The following RAB3GAP1 variants were observed in gnomAD, a reference collection of about 807,000 sequenced individuals.
The protein encoded by RAB3GAP1 is rab3 GTPase-activating protein catalytic subunit.
Under a neutral mutation model 130.7 loss-of-function variants are expected in RAB3GAP1, and 86 were observed. The observed-to-expected ratio is 0.66, with a 90% CI of 0.55 to 0.79. The LOEUF (loss-of-function observed/expected upper bound fraction) is 0.79, where lower values mean the gene tolerates loss of function less well. Among genes scored for constraint, RAB3GAP1 ranks in the 30% least tolerant of loss-of-function variants. RAB3GAP1 has a pLI of 0.00. For synonymous variants in RAB3GAP1, 367 were observed against 401.7 expected, an observed-to-expected ratio of 0.91 and a Z score of 1.03; for missense variants, 1,029 against 1,169.4, an observed-to-expected ratio of 0.88 and a Z score of 1.75.
chr2:135,105,695 C>T (rs903785848), intron 5 of RAB3GAP1, among the ~76,000 whole-genome samples: 1 of 151,418 alleles, frequency 6.6e-6, no homozygotes, highest in Non-Finnish European at 1.5e-5. Context: ...GGCCGCCAAT[C>T]GTCTGGGATG....
intron 3 of RAB3GAP1, among the ~76,000 whole-genome samples, chr2:135,075,654 T>G (rs988916073): frequency 2.0e-5 from 3 of 147,798 alleles, no homozygotes; most frequent in African/African-American, 7.4e-5. Context: ...TTTTTTTAAA[T>G]TTTTTTTTAT....
chr2:135,085,450 G>T (rs1214599010), intron 3 of RAB3GAP1, among the ~76,000 whole-genome samples: 1 of 152,138 alleles, frequency 6.6e-6, no homozygotes, highest in Non-Finnish European at 1.5e-5. Context: ...AAGAAGGATG[G>T]AAGGCTATTA....
At position 135,074,624 on chromosome 2, in the gene RAB3GAP1, A is replaced by G. The variant is rs569833225; in HGVS notation, c.151-16374A>G. ...GGAGAGGGAAGGGAGACAGTAAGAG[A>G]AAGGTCCCCAAGCAGTCCCCAAGCA... On this transcript the variant is annotated intron_variant, in intron 3 of 23. Transcript: ENST00000264158. 2.0e-5 allele frequency among the ~76,000 whole-genome samples: 3 copies of G among 152,238 alleles called. No homozygotes were observed. The East Asian group carries it at 5.8e-4, about 29-fold the overall frequency.
intron 5 of RAB3GAP1, among the ~76,000 whole-genome samples, chr2:135,096,077 T>A (rs1021943684): frequency 2.6e-5 from 4 of 152,232 alleles, no homozygotes; most frequent in Admixed American, 6.5e-5. Flanking sequence ...AGGGACTATT[T>A]ACATCACATT....
At chr2:135,070,698 G>T (rs886976849) in intron 3 of RAB3GAP1, among the ~76,000 whole-genome samples, 3 of 151,908 alleles carry the variant, frequency 2.0e-5, no homozygotes, top group African/African-American at 7.3e-5. Context: ...GTAGAGATGG[G>T]GTTTCTCCAT....
At chr2:135,071,767 T>C (rs1290139415) in intron 3 of RAB3GAP1, among the ~76,000 whole-genome samples, 2 of 152,136 alleles carry the variant, frequency 1.3e-5, no homozygotes, top group Non-Finnish European at 1.5e-5. Context: ...GTCTTTGACA[T>C]TGAGGGTAGA....
chr2:135,102,117 A>G (rs769564074), intron 5 of RAB3GAP1, among the ~76,000 whole-genome samples: 5 of 152,252 alleles, frequency 3.3e-5, no homozygotes, highest in Non-Finnish European at 7.3e-5. Flanking sequence ...ACTTTAAGGT[A>G]GGGAGATTTA....
At chr2:135,093,073 C>T (rs1054268384) in intron 4 of RAB3GAP1, among the ~76,000 whole-genome samples, 5 of 152,118 alleles carry the variant, frequency 3.3e-5, no homozygotes, top group South Asian at 2.1e-4. Flanking sequence ...TGAATGGATA[C>T]TATTTTTAAT....
chr2:135,130,217 C>A, intron 12 of RAB3GAP1, 130 bp downstream of exon 12: 1 of 778,770 alleles, frequency 1.3e-6, no homozygotes. Flanking sequence ...ATGGACTAGA[C>A]AGCTACAGTT....
chr2:135,160,674 CAAAAAAAAAA>C (rs59034119), intron 19 of RAB3GAP1, among the ~76,000 whole-genome samples: 1 of 33,870 alleles, frequency 3.0e-5, no homozygotes, highest in South Asian at 9.7e-4. Flanking sequence ...GACCCTGTCT[CAAAAAAAAAA>C]AAAAAAAAAA....
intron 8 of RAB3GAP1, among the ~76,000 whole-genome samples, chr2:135,121,863 C>T (rs890097284): frequency 1.3e-5 from 2 of 152,086 alleles, no homozygotes; most frequent in Admixed American, 6.6e-5. Context: ...GAGGCCAAGG[C>T]AGGCAGATCA....
At chr2:135,117,678 G>GCTTCTGCTT (rs1306840739) in intron 7 of RAB3GAP1, among the ~76,000 whole-genome samples, 4 of 98,488 alleles carry the variant, frequency 4.1e-5, no homozygotes, top group African/African-American at 1.5e-4. Flanking sequence ...TGCTTCTTCT[G>GCTTCTGCTT]CTTCTGCTTC....
At chr2:135,144,034 C>T (rs1691925001) in intron 17 of RAB3GAP1, among the ~76,000 whole-genome samples, 1 of 152,166 alleles carries the variant, frequency 6.6e-6, no homozygotes, top group South Asian at 2.1e-4. Flanking sequence ...ATGCTTCTGC[C>T]CAGGCCTCAC....
At chr2:135,120,218 T>C (rs1359148006) in intron 7 of RAB3GAP1, among the ~76,000 whole-genome samples, 1 of 152,220 alleles carries the variant, frequency 6.6e-6, no homozygotes, top group Non-Finnish European at 1.5e-5. Context: ...TATTTTATGA[T>C]TAAAATAGTA....
At chr2:135,148,668 CT>C (rs60407802) in intron 17 of RAB3GAP1, among the ~76,000 whole-genome samples, 3,686 of 113,086 alleles carry the variant, frequency 0.033, 168 homozygotes, top group African/African-American at 0.11. Flanking sequence ...ATTTTTGTAT[CT>C]TTTTTTTTTT....
chr2:135,061,881 T>C (rs1558757718), intron 3 of RAB3GAP1, among the ~76,000 whole-genome samples: 1 of 152,216 alleles, frequency 6.6e-6, no homozygotes, highest in African/African-American at 2.4e-5. Flanking sequence ...GGATATCCTG[T>C]TGTTCTAGAA....
chr2:135,142,751 A>G (rs1012358283), intron 17 of RAB3GAP1, among the ~76,000 whole-genome samples: 2 of 152,044 alleles, frequency 1.3e-5, no homozygotes, highest in African/African-American at 4.8e-5. Flanking sequence ...CCTGTATATT[A>G]AGGTAATCCT....
intron 19 of RAB3GAP1, 143 bp from the exon 20 acceptor site, chr2:135,162,412 C>T (rs755086204): frequency 3.8e-5 from 27 of 710,066 alleles, no homozygotes; most frequent in African/African-American, 5.2e-5. Context: ...ACATTATCCT[C>T]ACCTTTGGGG....
In RAB3GAP1 at chr2:135,133,952, G is replaced by A; in HGVS notation, c.1418G>A (p.Gly473Glu). The A allele has an allele frequency of 2.5e-6, 4 of 1,613,896 alleles. No homozygotes were observed. The highest frequency in any genetic ancestry group is 3.4e-6 in the Non-Finnish European group (4 of 1,179,822). The change falls in exon 15 of 24, where the codon GGG becomes GAG. Residue 473 changes from glycine (G) to glutamate (E), a missense_variant. By Grantham distance (98) the Gly-to-Glu change is moderately conservative. This residue lies in a region of RAB3GAP1 where 373 missense variants were observed against 493.6 expected (regional missense o/e 0.76). Transcript: ENST00000264158. ...TGTATGATCAATTTTTACCATGGAGGGTTGAAAGGAGTGGCACACCTCTGG... is the reference window on the plus strand; with the variant it reads ...TGTATGATCAATTTTTACCATGGAGAGTTGAAAGGAGTGGCACACCTCTGG... Reference protein sequence around the residue: ...CLCMINFYHGGLKGVAHLWQE... With the variant: ...CLCMINFYHGELKGVAHLWQE...
Sources: allele counts gnomAD v4.1 joint callset (sites outside exome capture counted in the v4.1 genomes callset), GRCh38; gene constraint gnomAD v4.1.1; regional missense constraint gnomAD v4.1.1; transcripts MANE v1.5; gene names NCBI Gene and HGNC (gene_info 2026-07-23, HGNC 2026-07-21).